Variants in GRM1 observed in about 807,000 individuals in gnomAD.
GRM1 encodes glutamate metabotropic receptor 1, also known as metabotropic glutamate receptor 1.
In GRM1, 33 loss-of-function variants were observed where a neutral mutation model predicts 90.9. That is an observed-to-expected ratio of 0.36 (90% CI 0.28 to 0.49). The LOEUF (loss-of-function observed/expected upper bound fraction) is 0.49, where lower values mean the gene tolerates loss of function less well. Ranked by LOEUF, GRM1 falls within the 20% of genes least tolerant of loss-of-function variation. GRM1 has a pLI of 0.99. For synonymous variants in GRM1, 700 were observed against 613.2 expected (o/e 1.14, Z -2.09); for missense variants, 1,190 against 1,534.3 (o/e 0.78, Z 3.75).
chr6:146,028,524 C>T (rs1442243964), upstream of GRM1, among the ~76,000 whole-genome samples: 1 of 151,758 alleles, frequency 6.6e-6, no homozygotes, highest in South Asian at 2.1e-4. Context: ...CCTAACCCGT[C>T]CACCCACCGC....
intron 2 of GRM1, among the ~76,000 whole-genome samples, chr6:146,252,201 A>G (rs1333328638): frequency 4.6e-5 from 7 of 152,224 alleles, no homozygotes; most frequent in African/African-American, 1.7e-4. Context: ...AAGCAGCAAA[A>G]TATTTGTTGA....
At chr6:146,085,749 C>T (rs911300280) in intron 1 of GRM1, among the ~76,000 whole-genome samples, 1 of 152,118 alleles carries the variant, frequency 6.6e-6, no homozygotes, top group Non-Finnish European at 1.5e-5. Flanking sequence ...AATCTCAACA[C>T]CCTAAGAGTG....
chr6:146,361,196 A>G (rs536106404), intron 5 of GRM1, among the ~76,000 whole-genome samples: 1 of 152,306 alleles, frequency 6.6e-6, no homozygotes, highest in South Asian at 2.1e-4. Context: ...GGTGAGTCCA[A>G]CAGGGGCAGT....
intron 6 of GRM1, among the ~76,000 whole-genome samples, chr6:146,387,890 A>G (rs1776568965): frequency 6.6e-6 from 1 of 152,068 alleles, no homozygotes; most frequent in Non-Finnish European, 1.5e-5. Flanking sequence ...TGCTTCTTGT[A>G]GTGGTATAGG....
chr6:146,034,693 A>C (rs989842077), intron 1 of GRM1, among the ~76,000 whole-genome samples: 1 of 151,868 alleles, frequency 6.6e-6, no homozygotes, highest in South Asian at 2.1e-4. Context: ...AAAGTCTCAA[A>C]CCCTTTCACG....
At chr6:146,270,882 T>C (rs1323314810) in intron 2 of GRM1, among the ~76,000 whole-genome samples, 1 of 99,776 alleles carries the variant, frequency 1.0e-5, no homozygotes, top group Admixed American at 1.1e-4. Context: ...TCTTTCTTTC[T>C]TTCTTTCTTT....
chr6:146,347,997 C>T (rs1020592819), intron 3 of GRM1, among the ~76,000 whole-genome samples: 2 of 152,118 alleles, frequency 1.3e-5, no homozygotes. Flanking sequence ...AGCAGTTAGG[C>T]AGGTATTCTT....
chr6:146,287,400 G>T (rs1782805339), intron 2 of GRM1, among the ~76,000 whole-genome samples: 1 of 152,102 alleles, frequency 6.6e-6, no homozygotes, highest in African/African-American at 2.4e-5. Context: ...ACATTTAGGA[G>T]GGTCTTAAGG....
intron 1 of GRM1, among the ~76,000 whole-genome samples, chr6:146,100,921 G>A (rs1777028357): frequency 6.6e-6 from 1 of 152,174 alleles, no homozygotes; most frequent in African/African-American, 2.4e-5. Context: ...AACATAGTGA[G>A]ATCCTGTTTT....
chr6:146,162,160 T>G (rs991359301), intron 2 of GRM1, among the ~76,000 whole-genome samples: 2 of 152,208 alleles, frequency 1.3e-5, no homozygotes, highest in Non-Finnish European at 2.9e-5. Flanking sequence ...TTGAAGTTTT[T>G]TGAGATCAGA....
At chr6:146,191,500 A>G (rs1280366623) in intron 2 of GRM1, among the ~76,000 whole-genome samples, 1 of 152,180 alleles carries the variant, frequency 6.6e-6, no homozygotes, top group Non-Finnish European at 1.5e-5. Flanking sequence ...TTAAGTATTA[A>G]AAGTGGATTT....
intron 3 of GRM1, among the ~76,000 whole-genome samples, chr6:146,336,941 G>C (rs2115006341): frequency 6.6e-6 from 1 of 152,348 alleles, no homozygotes; most frequent in Non-Finnish European, 1.5e-5. Context: ...GGTACCCTCA[G>C]GTGTTTGTGT....
chr6:146,278,908 T>G (rs1055184203), intron 2 of GRM1, among the ~76,000 whole-genome samples: 1 of 152,160 alleles, frequency 6.6e-6, no homozygotes, highest in Admixed American at 6.5e-5. Context: ...GGTTTCACCG[T>G]GTTAGTCAGG....
At chr6:146,344,578 C>T (rs1323765536) in intron 3 of GRM1, among the ~76,000 whole-genome samples, 2 of 152,158 alleles carry the variant, frequency 1.3e-5, no homozygotes, top group Non-Finnish European at 2.9e-5. Flanking sequence ...TAAAGTTTCA[C>T]TAGCCATGAG....
chr6:146,208,814 C>T (rs1449765867), intron 2 of GRM1, among the ~76,000 whole-genome samples: 1 of 152,028 alleles, frequency 6.6e-6, no homozygotes, highest in African/African-American at 2.4e-5. Flanking sequence ...CTCCAGCTCT[C>T]AGTTTAATTT....
intron 1 of GRM1, among the ~76,000 whole-genome samples, chr6:146,049,100 C>T (rs1016573387): frequency 1.3e-5 from 2 of 151,810 alleles, no homozygotes. Flanking sequence ...ATCTTTTTAT[C>T]GACTATTAAT....
intron 7 of GRM1, among the ~76,000 whole-genome samples, chr6:146,423,032 AAG>A (rs1778056818): frequency 6.6e-6 from 1 of 151,974 alleles, no homozygotes; most frequent in African/African-American, 2.4e-5. Context: ...AAGGGAAAAG[AAG>A]AGAGAGAGAC....
intron 1 of GRM1, among the ~76,000 whole-genome samples, chr6:146,122,365 G>A (rs1776022952): frequency 1.3e-5 from 2 of 152,066 alleles, no homozygotes; most frequent in South Asian, 2.1e-4. Context: ...GTGGTATCTA[G>A]ATTGCATTCC....
At chr6:146,156,365 C>T (rs1406459576) in intron 1 of GRM1, among the ~76,000 whole-genome samples, 1 of 152,182 alleles carries the variant, frequency 6.6e-6, no homozygotes, top group African/African-American at 2.4e-5. Context: ...AAGATCGTGC[C>T]ACTGCACTCC....
Sources: allele counts gnomAD v4.1 joint callset (sites outside exome capture counted in the v4.1 genomes callset), GRCh38; gene constraint gnomAD v4.1.1; transcripts MANE v1.5; gene names NCBI Gene and HGNC (gene_info 2026-07-23, HGNC 2026-07-21).